GPHN: variants seen among roughly 807,000 people sequenced by gnomAD.
The protein encoded by GPHN is gephyrin.
In GPHN, 17 loss-of-function variants were observed where a neutral mutation model predicts 95.5. The ratio of observed to expected loss-of-function variants is 0.18; its 90% CI spans 0.12 to 0.27. The LOEUF (loss-of-function observed/expected upper bound fraction) is 0.27, where lower values mean the gene tolerates loss of function less well. GPHN is among the 10% of genes least tolerant of loss of function. The probability of loss-of-function intolerance (pLI) is 1.00; values close to 1 mark genes in which losing one functional copy is unlikely to be tolerated. For synonymous variants in GPHN, 320 were observed against 322.5 expected (o/e 0.99, Z 0.08); for missense variants, 660 against 978.1 (o/e 0.67, Z 4.34).
the GPHN span, chr14:67,586,432 A>C: frequency 3.0e-5 from 40 of 1,316,994 alleles, no homozygotes; most frequent in Non-Finnish European, 3.3e-5. Flanking sequence ...AGCAGTCCTC[A>C]AGGCAGGGCA....
At chr14:67,648,488 T>C in the GPHN span, 1 of 210,688 alleles carries the variant, frequency 4.7e-6, no homozygotes, top group African/African-American at 2.3e-5. Flanking sequence ...TAAAGGCAGA[T>C]TAAGATAAGA....
chr14:66,698,300 C>T (rs1048178093), intron 2 of GPHN, among the ~76,000 whole-genome samples: 2 of 151,970 alleles, frequency 1.3e-5, no homozygotes, highest in African/African-American at 4.8e-5. Context: ...AAGATTTGTC[C>T]TCTGATTTGC....
the GPHN span, among the ~76,000 whole-genome samples, chr14:67,303,059 T>G: frequency 6.6e-6 from 1 of 152,240 alleles, no homozygotes; most frequent in Non-Finnish European, 1.5e-5. Flanking sequence ...AATTTAAAAT[T>G]CAGTTCCTTA....
the GPHN span, chr14:67,725,259 G>A: frequency 5.6e-6 from 9 of 1,612,620 alleles, no homozygotes; most frequent in South Asian, 1.1e-5. Context: ...TGGCAGGTGA[G>A]GTCCTGATGG....
chr14:66,896,399 A>G (rs1022849106), intron 5 of GPHN, among the ~76,000 whole-genome samples: 1 of 152,140 alleles, frequency 6.6e-6, no homozygotes, highest in Non-Finnish European at 1.5e-5. Context: ...TGGGCTGATC[A>G]CTTGAGTCCA....
At chr14:67,150,078 C>A (rs2081161525) in intron 18 of GPHN, among the ~76,000 whole-genome samples, 1 of 152,072 alleles carries the variant, frequency 6.6e-6, no homozygotes, top group Non-Finnish European at 1.5e-5. Context: ...AATATCAACT[C>A]AAGATTTTAA....
At chr14:67,477,038 C>A in the GPHN span, among the ~76,000 whole-genome samples, 2 of 152,060 alleles carry the variant, frequency 1.3e-5, no homozygotes, top group Non-Finnish European at 2.9e-5. Flanking sequence ...TGGTGGCATG[C>A]GCCTATAATC....
At chr14:67,604,792 G>A in the GPHN span, among the ~76,000 whole-genome samples, 1 of 152,008 alleles carries the variant, frequency 6.6e-6, no homozygotes, top group African/African-American at 2.4e-5. Context: ...TTAAGCCAAT[G>A]ATCCATTTTG....
the GPHN span, among the ~76,000 whole-genome samples, chr14:67,257,335 T>C: frequency 2.6e-5 from 4 of 152,138 alleles, no homozygotes; most frequent in African/African-American, 9.7e-5. Flanking sequence ...AATTTCCTTG[T>C]GGGCAAATGG....
At chr14:67,730,770 G>A in the GPHN span, among the ~76,000 whole-genome samples, 1 of 151,966 alleles carries the variant, frequency 6.6e-6, no homozygotes, top group African/African-American at 2.4e-5. Flanking sequence ...CACCTGACTA[G>A]TTTTTGTATT....
intron 2 of GPHN, among the ~76,000 whole-genome samples, chr14:66,752,934 TAAA>T (rs370594333): frequency 2.2e-5 from 3 of 134,114 alleles, no homozygotes; most frequent in African/African-American, 2.7e-5. Flanking sequence ...TAGGAGTGGT[TAAA>T]AAAAAAAAAA....
chr14:67,126,062 T>C (rs538628601), intron 17 of GPHN, among the ~76,000 whole-genome samples: 43 of 152,266 alleles, frequency 2.8e-4, no homozygotes, highest in African/African-American at 1.0e-3. Flanking sequence ...ACTATGAAGA[T>C]TACTGGAGGG....
At chr14:67,287,970 T>C in the GPHN span, among the ~76,000 whole-genome samples, 1 of 152,186 alleles carries the variant, frequency 6.6e-6, no homozygotes, top group African/African-American at 2.4e-5. Flanking sequence ...AGAGACCCAG[T>C]AGGGATACAA....
intron 10 of GPHN, among the ~76,000 whole-genome samples, chr14:67,057,414 G>GGGC (rs1555477491): frequency 6.6e-6 from 1 of 151,458 alleles, no homozygotes; most frequent in Admixed American, 6.6e-5. Context: ...ACATGGGTGG[G>GGGC]GGGGGCAACA....
intron 9 of GPHN, among the ~76,000 whole-genome samples, chr14:66,992,326 A>G (rs141108518): frequency 2.6e-5 from 4 of 152,292 alleles, no homozygotes; most frequent in East Asian, 1.9e-4. Context: ...AATTATCTAT[A>G]AGTACTTAAC....
chr14:67,409,600 C>A, the GPHN span, among the ~76,000 whole-genome samples: 2,473 of 152,234 alleles, frequency 0.016, 80 homozygotes, highest in African/African-American at 0.056. Context: ...TCCCTCTCCC[C>A]ACTCCCCTGA....
chr14:67,159,718 C>G (rs921156360), intron 19 of GPHN, among the ~76,000 whole-genome samples: 3 of 152,152 alleles, frequency 2.0e-5, no homozygotes, highest in African/African-American at 7.2e-5. Flanking sequence ...ACTTTCCAAA[C>G]TTTTTCTCCT....
At chr14:67,636,604 A>C in the GPHN span, among the ~76,000 whole-genome samples, 147,411 of 152,316 alleles carry the variant, frequency 0.97, 71,502 homozygotes, top group East Asian at 1. Flanking sequence ...TCTTCCTTAC[A>C]GCCTGGTTGC....
the GPHN span, among the ~76,000 whole-genome samples, chr14:67,538,782 G>A: frequency 6.6e-6 from 1 of 152,164 alleles, no homozygotes; most frequent in Admixed American, 6.5e-5. Context: ...CCAAGGCAGG[G>A]AGAGGATTAA....
Sources: gnomAD v4.1 joint callset for allele counts (sites outside exome capture counted in the v4.1 genomes callset) on GRCh38, gnomAD v4.1.1 for gene constraint, MANE v1.5 for transcripts, NCBI Gene and HGNC (gene_info 2026-07-23, HGNC 2026-07-21) for gene names.